CSMD1: variants seen among roughly 807,000 people sequenced by gnomAD.
CSMD1 encodes CUB and Sushi multiple domains 1.
Under a neutral mutation model 417.5 loss-of-function variants are expected in CSMD1, and 213 were observed. That is an observed-to-expected ratio of 0.51 (90% CI 0.46 to 0.57). The LOEUF is 0.57. Among genes scored for constraint, CSMD1 ranks in the 20% least tolerant of loss-of-function variants. CSMD1 has a pLI of 0.00. For synonymous variants in CSMD1, 2,862 were observed against 1,736.8 expected (o/e 1.65, Z -16.11); for missense variants, 6,923 against 4,529.7 (o/e 1.53, Z -15.17).
intron 3 of CSMD1, among the ~76,000 whole-genome samples, chr8:4,244,846 G>A (rs1409928945): frequency 6.6e-6 from 1 of 152,134 alleles, no homozygotes; most frequent in Non-Finnish European, 1.5e-5. Context: ...TCCTTCTGGT[G>A]TCATTGTAAC....
chr8:4,697,763 T>G (rs1359069700), intron 1 of CSMD1, among the ~76,000 whole-genome samples: 1 of 152,228 alleles, frequency 6.6e-6, no homozygotes, highest in Non-Finnish European at 1.5e-5. Context: ...ATTACTCATT[T>G]GGCATTACAA....
intron 23 of CSMD1, among the ~76,000 whole-genome samples, chr8:3,308,707 C>G (rs1805086518): frequency 7.4e-6 from 1 of 134,848 alleles, no homozygotes; most frequent in Non-Finnish European, 1.6e-5. Flanking sequence ...GTTCGGTCAT[C>G]TTATTTGTTC....
intron 5 of CSMD1, among the ~76,000 whole-genome samples, chr8:3,952,916 G>C (rs190396493): frequency 2.9e-3 from 445 of 152,182 alleles, no homozygotes; most frequent in African/African-American, 0.01. Flanking sequence ...TGTATTGAGT[G>C]CAATTTATGT....
At chr8:3,988,153 C>A (rs1042074097) in intron 5 of CSMD1, among the ~76,000 whole-genome samples, 1 of 152,098 alleles carries the variant, frequency 6.6e-6, no homozygotes, top group Non-Finnish European at 1.5e-5. Flanking sequence ...GGCAGTTGGG[C>A]TGGTTCAGAA....
chr8:4,311,261 A>T (rs1488723635), intron 3 of CSMD1, among the ~76,000 whole-genome samples: 1 of 152,220 alleles, frequency 6.6e-6, no homozygotes, highest in Non-Finnish European at 1.5e-5. Context: ...AATGTCCATC[A>T]ATGACAGATT....
At chr8:3,639,787 T>A (rs1280464436) in intron 7 of CSMD1, among the ~76,000 whole-genome samples, 1 of 152,216 alleles carries the variant, frequency 6.6e-6, no homozygotes, top group African/African-American at 2.4e-5. Flanking sequence ...ATCTTCTAAC[T>A]ACTCATCCTA....
chr8:3,711,883 A>G (rs1226490773), intron 6 of CSMD1, among the ~76,000 whole-genome samples: 1 of 152,188 alleles, frequency 6.6e-6, no homozygotes, highest in Non-Finnish European at 1.5e-5. Context: ...AATGTCACTC[A>G]CCCTAAACAG....
At chr8:4,855,408 G>A (rs1801739343) in intron 1 of CSMD1, among the ~76,000 whole-genome samples, 1 of 152,172 alleles carries the variant, frequency 6.6e-6, no homozygotes, top group South Asian at 2.1e-4. Context: ...AACAAAGCTG[G>A]ATGGAGAATG....
intron 1 of CSMD1, among the ~76,000 whole-genome samples, chr8:4,812,361 T>C (rs1798956117): frequency 2.6e-5 from 4 of 152,196 alleles, no homozygotes; most frequent in Admixed American, 1.3e-4. Context: ...GGTACAAACA[T>C]TCAGTTAGAT....
chr8:4,550,993 GC>G (rs1329655312), intron 2 of CSMD1, among the ~76,000 whole-genome samples: 2 of 152,088 alleles, frequency 1.3e-5, no homozygotes, highest in African/African-American at 4.8e-5. Context: ...AACAAAGGCT[GC>G]CCAAATTAAT....
At chr8:4,090,495 T>G (rs1036870115) in intron 3 of CSMD1, among the ~76,000 whole-genome samples, 4 of 152,186 alleles carry the variant, frequency 2.6e-5, no homozygotes, top group African/African-American at 9.6e-5. Flanking sequence ...TAGAAATAAC[T>G]CCTACTGCTT....
intron 67 of CSMD1, among the ~76,000 whole-genome samples, chr8:2,949,821 A>G (rs1426115661): frequency 5.3e-5 from 8 of 152,164 alleles, no homozygotes. Context: ...TAACTTGCAA[A>G]GAACGGTGTT....
intron 69 of CSMD1, 90 bp from the exon 70 acceptor site, chr8:2,938,834 A>G (rs1377851499): frequency 4.3e-6 from 5 of 1,151,586 alleles, no homozygotes; most frequent in Non-Finnish European, 6.2e-6. Context: ...ACGTCTACAG[A>G]GCAGGGAGCA....
chr8:4,235,363 T>G (rs1801983410), intron 3 of CSMD1, among the ~76,000 whole-genome samples: 1 of 151,862 alleles, frequency 6.6e-6, no homozygotes, highest in South Asian at 2.1e-4. Flanking sequence ...GTGTTTTGTT[T>G]TTTTTTTGTT....
intron 5 of CSMD1, among the ~76,000 whole-genome samples, chr8:3,801,610 C>T (rs978758709): frequency 2.0e-5 from 3 of 149,380 alleles, no homozygotes; most frequent in Middle Eastern, 3.2e-3. Context: ...GTAAAGAATT[C>T]CACTCCTAGT....
intron 2 of CSMD1, among the ~76,000 whole-genome samples, chr8:4,605,848 G>C (rs375722495): frequency 1.5e-4 from 23 of 152,226 alleles, no homozygotes; most frequent in African/African-American, 5.1e-4. Context: ...TGTTCTAATT[G>C]CCGTGTCAAA....
At chr8:4,692,405 T>C (rs975498419) in intron 1 of CSMD1, among the ~76,000 whole-genome samples, 3 of 151,954 alleles carry the variant, frequency 2.0e-5, no homozygotes, top group Admixed American at 6.6e-5. Flanking sequence ...CATATCCCGG[T>C]TGCTTTTCGT....
chr8:3,464,140 C>A (rs17066201), intron 12 of CSMD1, among the ~76,000 whole-genome samples: 2 of 151,916 alleles, frequency 1.3e-5, no homozygotes, highest in Non-Finnish European at 2.9e-5. Flanking sequence ...TAAATAGCTA[C>A]GGCAAATTAC....
At chr8:2,993,399 ACTGT>A (rs1261256727) in intron 54 of CSMD1, among the ~76,000 whole-genome samples, 1 of 152,174 alleles carries the variant, frequency 6.6e-6, no homozygotes, top group African/African-American at 2.4e-5. Context: ...AGAGGGGGCT[ACTGT>A]CTGCCCCTGT....
Sources: gnomAD v4.1 joint callset for allele counts (sites outside exome capture counted in the v4.1 genomes callset) on GRCh38, gnomAD v4.1.1 for gene constraint, MANE v1.5 for transcripts, NCBI Gene and HGNC (gene_info 2026-07-23, HGNC 2026-07-21) for gene names.